Variants in MTHFD2L observed in about 807,000 individuals in gnomAD.
MTHFD2L encodes the protein methylenetetrahydrofolate dehydrogenase (NADP+ dependent) 2 like, also known as bifunctional methylenetetrahydrofolate dehydrogenase/cyclohydrolase 2, mitochondrial.
In MTHFD2L, 29 loss-of-function variants were observed where a neutral mutation model predicts 34.9. The ratio of observed to expected loss-of-function variants is 0.83; its 90% CI spans 0.62 to 1.13. The LOEUF (loss-of-function observed/expected upper bound fraction) is 1.13, where lower values mean the gene tolerates loss of function less well. MTHFD2L is among the 50% of genes most tolerant of loss of function. The probability of loss-of-function intolerance (pLI) is 0.00; values close to 1 mark genes in which losing one functional copy is unlikely to be tolerated. For missense variants in MTHFD2L, 481 were observed against 446.5 expected (o/e 1.08, Z -0.70); for synonymous variants, 167 against 155.7 (o/e 1.07, Z -0.54).
intron 6 of MTHFD2L, among the ~76,000 whole-genome samples, chr4:74,234,559 G>A (rs1340236676): frequency 6.6e-6 from 1 of 151,778 alleles, no homozygotes; most frequent in Non-Finnish European, 1.5e-5. Context: ...ATATTTTCTT[G>A]GAGACTCATT....
intron 6 of MTHFD2L, among the ~76,000 whole-genome samples, chr4:74,273,808 C>G (rs1560550625): frequency 6.6e-6 from 1 of 152,128 alleles, no homozygotes; most frequent in Non-Finnish European, 1.5e-5. Flanking sequence ...GCCTCAGCCC[C>G]CCATGGCCTG....
At chr4:74,233,994 C>T (rs946268228) in intron 6 of MTHFD2L, among the ~76,000 whole-genome samples, 4 of 151,826 alleles carry the variant, frequency 2.6e-5, no homozygotes, top group Non-Finnish European at 5.9e-5. Context: ...TAGCAATATC[C>T]AAAAAAGCTT....
intron 1 of MTHFD2L, among the ~76,000 whole-genome samples, chr4:74,145,901 C>T (rs1489129769): frequency 6.6e-6 from 1 of 152,136 alleles, no homozygotes. Context: ...CTCTCTGAGG[C>T]CTCCCGAGAA....
rs1434715072 is a variant in MTHFD2L, at chr4:74,199,823, G to A, written c.481G>A (p.Gly161Arg). 2 of 1,612,276 alleles carry A rather than the reference G, an allele frequency of 1.2e-6. No individual in the cohort carries two copies. Among genetic ancestry groups the A allele is most frequent in the East Asian group, 4.5e-5 (2 of 44,800 alleles). Residue 161 changes from glycine (G) to arginine (R), a missense_variant, in exon 4 of 8, where the codon GGA becomes AGA. Gly to Arg is a moderately radical substitution (Grantham distance 125, BLOSUM62 -2). Transcript: ENST00000325278. Reference protein sequence around the residue: ...DHVDERTICNGIAPEKDVDGF... With the variant: ...DHVDERTICNRIAPEKDVDGF... Reference sequence around the variant, plus strand: ...CGTTGATGAGCGAACAATATGCAATGGAATTGCCCCAGAAAAAGATGTAGA... The same window carrying A: ...CGTTGATGAGCGAACAATATGCAATAGAATTGCCCCAGAAAAAGATGTAGA...
intron 1 of MTHFD2L, among the ~76,000 whole-genome samples, chr4:74,149,857 T>C (rs1360802947): frequency 6.6e-6 from 1 of 152,220 alleles, no homozygotes; most frequent in Admixed American, 6.5e-5. Context: ...ATATATCACC[T>C]TACATGGCAA....
At chr4:74,171,297 A>G (rs1208307300) in intron 1 of MTHFD2L, among the ~76,000 whole-genome samples, 1 of 152,204 alleles carries the variant, frequency 6.6e-6, no homozygotes, top group East Asian at 1.9e-4. Context: ...ACAGTGACAT[A>G]CCACCATATG....
At chr4:74,226,892 T>C (rs1739255299) in intron 6 of MTHFD2L, among the ~76,000 whole-genome samples, 1 of 152,194 alleles carries the variant, frequency 6.6e-6, no homozygotes, top group African/African-American at 2.4e-5. Flanking sequence ...ATAAGTGCTA[T>C]AATGAAACTG....
At chr4:74,155,153 G>C (rs1212173687), upstream of MTHFD2L, among the ~76,000 whole-genome samples, 1 of 152,116 alleles carries the variant, frequency 6.6e-6, no homozygotes, top group African/African-American at 2.4e-5. Flanking sequence ...TCTATTGTTA[G>C]ATTTTTAACC....
At chr4:74,175,529 T>C (rs749940225) in intron 3 of MTHFD2L, 126 bp downstream of exon 3, 19 of 1,025,262 alleles carry the variant, frequency 1.9e-5, no homozygotes, top group Non-Finnish European at 2.6e-5. Flanking sequence ...GCTATTTTAC[T>C]AGTAATAGGT....
intron 1 of MTHFD2L, among the ~76,000 whole-genome samples, chr4:74,173,829 GTA>G (rs1174111897): frequency 2.6e-5 from 4 of 152,064 alleles, no homozygotes; most frequent in Non-Finnish European, 5.9e-5. Context: ...ATAAATGTGT[GTA>G]TATGTATATA....
chr4:74,247,046 T>C (rs1742571686), intron 6 of MTHFD2L, among the ~76,000 whole-genome samples: 1 of 148,428 alleles, frequency 6.7e-6, no homozygotes, highest in African/African-American at 2.5e-5. Context: ...GGGGATGGCA[T>C]TGAATCTATA....
intron 3 of MTHFD2L, among the ~76,000 whole-genome samples, chr4:74,184,797 C>A (rs755627537): frequency 5.9e-5 from 9 of 152,084 alleles, no homozygotes; most frequent in Non-Finnish European, 1.2e-4. Flanking sequence ...TAAGAGAATT[C>A]ATGTCACACA....
chr4:74,211,199 G>C (rs1477337288), intron 5 of MTHFD2L, among the ~76,000 whole-genome samples: 3 of 152,028 alleles, frequency 2.0e-5, no homozygotes, highest in Non-Finnish European at 1.5e-5. Context: ...GATTGCCCTG[G>C]CCAGAACTTG....
intron 6 of MTHFD2L, among the ~76,000 whole-genome samples, chr4:74,248,491 T>A (rs1441727242): frequency 6.6e-6 from 1 of 150,922 alleles, no homozygotes; most frequent in Non-Finnish European, 1.5e-5. Context: ...TCAGTTCTGC[T>A]CTGATTTTAG....
chr4:74,301,927 G>T lies in MTHFD2L; in HGVS notation c.*118G>T. 4.1e-6 allele frequency: 2 copies of T among 488,478 alleles called. No individual in the cohort carries two copies. The highest frequency in any genetic ancestry group is 3.4e-5 in the East Asian group (1 of 29,110). 30.3% of individuals were successfully genotyped at this position (488,478 alleles called of 1,614,324 possible). ...TCTACATGGTATTTATTTTTTCATGGGTGAAATCATTGTGAATCAATTGAT... is the reference window on the plus strand; with the variant it reads ...TCTACATGGTATTTATTTTTTCATGTGTGAAATCATTGTGAATCAATTGAT... On this transcript the variant is annotated 3_prime_UTR_variant, in exon 8 of 8. Transcript: ENST00000325278.
At chr4:74,127,113 C>G (rs1368681245) in intron 1 of MTHFD2L, among the ~76,000 whole-genome samples, 5 of 152,136 alleles carry the variant, frequency 3.3e-5, no homozygotes, top group Non-Finnish European at 5.9e-5. Flanking sequence ...CTCCCCGGCC[C>G]TGCCGAACTG....
chr4:74,137,748 A>G (rs1723032418), intron 1 of MTHFD2L, among the ~76,000 whole-genome samples: 2 of 152,244 alleles, frequency 1.3e-5, no homozygotes, highest in African/African-American at 2.4e-5. Flanking sequence ...AACGTGGTAC[A>G]TATACACAAT....
chr4:74,281,532 G>A lies in MTHFD2L; in HGVS notation c.913G>A (p.Gly305Arg). The change falls in exon 7 of 8, where the codon GGA becomes AGA. Residue 305 changes from glycine to arginine, a missense_variant. Transcript: ENST00000325278. ...AGTGACAGGAAAGACAAAATTAGTT[G>A]GAGATGTGGACTTCGAAGGTAATAA... ...DPVTGKTKLV[G>R]DVDFEAVKKK... 6.2e-7 allele frequency: 1 copy of A among 1,612,060 alleles called. No homozygotes were observed.
chr4:74,130,691 C>G (rs543353289), intron 1 of MTHFD2L, among the ~76,000 whole-genome samples: 4 of 152,148 alleles, frequency 2.6e-5, no homozygotes, highest in Non-Finnish European at 5.9e-5. Context: ...CAAGGATGCC[C>G]TCTCTCACCA....
Sources: allele counts gnomAD v4.1 joint callset (sites outside exome capture counted in the v4.1 genomes callset), GRCh38; gene constraint gnomAD v4.1.1; transcripts MANE v1.5; gene names NCBI Gene and HGNC (gene_info 2026-07-23, HGNC 2026-07-21).